SGTB: variants seen among roughly 807,000 people sequenced by gnomAD.
SGTB encodes small glutamine-rich tetratricopeptide repeat-containing protein beta.
SGTB carries 19 observed loss-of-function variants against 43.9 expected under a neutral mutation model. The observed-to-expected ratio is 0.43, with a 90% CI of 0.30 to 0.63. The LOEUF (loss-of-function observed/expected upper bound fraction) is 0.63. Among genes scored for constraint, SGTB ranks in the 30% least tolerant of loss-of-function variants. The probability of loss-of-function intolerance (pLI) is 0.12; values close to 1 mark genes in which losing one functional copy is unlikely to be tolerated. For synonymous variants in SGTB, 116 were observed against 117.3 expected (o/e 0.99, Z 0.07); for missense variants, 304 against 358.9 (o/e 0.85, Z 1.24).
At chr5:65,691,990 G>T (rs1220260860) in intron 5 of SGTB, among the ~76,000 whole-genome samples, 1 of 151,544 alleles carries the variant, frequency 6.6e-6, no homozygotes, top group Non-Finnish European at 1.5e-5. Flanking sequence ...GTTTAAAGGG[G>T]CTCTCATTAG....
At chr5:65,690,113 T>C (rs1168388078) in intron 5 of SGTB, among the ~76,000 whole-genome samples, 1 of 113,810 alleles carries the variant, frequency 8.8e-6, no homozygotes, top group South Asian at 2.8e-4. Flanking sequence ...GGGGGGGATG[T>C]GGGGGAGAGA....
chr5:65,698,626 A>C (rs189011091), intron 5 of SGTB, among the ~76,000 whole-genome samples: 2 of 152,232 alleles, frequency 1.3e-5, no homozygotes, highest in Non-Finnish European at 2.9e-5. Flanking sequence ...AAATATTTGC[A>C]AACTGTGCAT....
intron 5 of SGTB, among the ~76,000 whole-genome samples, chr5:65,688,186 T>C (rs1235835665): frequency 1.3e-5 from 2 of 152,148 alleles, no homozygotes. Flanking sequence ...AAAATAATTT[T>C]ATTATATATA....
Position 65,666,037 on chromosome 5 carries a change from G to C in SGTB, c.*4209C>G, listed in dbSNP as rs950296694. 3.3e-5 allele frequency: 5 copies of C among 152,528 alleles called. No individual in the cohort carries two copies. The highest frequency in any genetic ancestry group is 1.2e-4 in the African/African-American group (5 of 41,438). 9.4% of individuals were successfully genotyped at this position (152,528 alleles called of 1,614,324 possible). On this transcript the variant is annotated 3_prime_UTR_variant, in exon 11 of 11. Coordinates refer to ENST00000381007, the MANE Select transcript of SGTB (RefSeq NM_019072.3). ...AAAATTGAGTAATAATTAATGAAAT[G>C]TCTGTACAAAATAAAGTGCAAGCAG...
At chr5:65,670,484 C>T (rs887126639) in intron 10 of SGTB, 127 bp from the exon 11 acceptor site, 4 of 668,938 alleles carry the variant, frequency 6.0e-6, no homozygotes, top group African/African-American at 5.4e-5. Flanking sequence ...AGTTTCAGAG[C>T]CATGACTTTA....
chr5:65,670,390 G>C, intron 10 of SGTB, 33 bp from the exon 11 acceptor site: 1 of 1,556,406 alleles, frequency 6.4e-7, no homozygotes, highest in Non-Finnish European at 8.9e-7. Flanking sequence ...TTTGAATAGG[G>C]AATTGCCAGT....
rs919785923 is a variant in SGTB, at chr5:65,667,734, C to T, written c.*2512G>A. 6.6e-6 allele frequency: 1 copy of T among 152,134 alleles called. No individual in the cohort carries two copies. The highest frequency in any genetic ancestry group is 1.5e-5 in the Non-Finnish European group (1 of 68,032). The allele number at this position is 152,134 out of a possible 1,614,324, so 9.4% of individuals were successfully genotyped here. On this transcript the variant is annotated 3_prime_UTR_variant, in exon 11 of 11. Transcript: ENST00000381007. ...AGTCCTTGGATCTGTATCAAAACCACCTAGTGTACTGTTTAAAAATGGCCA... is the reference window on the plus strand; with the variant it reads ...AGTCCTTGGATCTGTATCAAAACCATCTAGTGTACTGTTTAAAAATGGCCA...
At chr5:65,707,535 A>G (rs567038112) in intron 4 of SGTB, among the ~76,000 whole-genome samples, 1 of 151,758 alleles carries the variant, frequency 6.6e-6, no homozygotes, top group South Asian at 2.1e-4. Flanking sequence ...GCCGGGTTCA[A>G]GCAATTCTCC....
At chr5:65,710,369 C>T (rs1047810652) in intron 3 of SGTB, among the ~76,000 whole-genome samples, 26 of 152,036 alleles carry the variant, frequency 1.7e-4, no homozygotes, top group East Asian at 9.6e-4. Flanking sequence ...AAATTATTTG[C>T]GAAAATTGCC....
intron 5 of SGTB, among the ~76,000 whole-genome samples, chr5:65,696,361 A>G (rs950805114): frequency 6.6e-6 from 1 of 152,250 alleles, no homozygotes; most frequent in African/African-American, 2.4e-5. Context: ...GCACTGAAGT[A>G]CAAAAGAAAT....
intron 2 of SGTB, among the ~76,000 whole-genome samples, chr5:65,718,767 C>G (rs1222073543): frequency 6.6e-6 from 1 of 152,042 alleles, no homozygotes. Context: ...AATTGGCACC[C>G]TTTCTGACTG....
chr5:65,710,348 C>A (rs1032726164), intron 3 of SGTB, among the ~76,000 whole-genome samples: 21 of 152,050 alleles, frequency 1.4e-4, no homozygotes, highest in Non-Finnish European at 2.6e-4. Context: ...TTCTGTCTTC[C>A]CAATCCTTCT....
intron 5 of SGTB, among the ~76,000 whole-genome samples, chr5:65,693,606 T>C (rs980726852): frequency 2.0e-5 from 3 of 152,130 alleles, no homozygotes; most frequent in African/African-American, 7.2e-5. Flanking sequence ...TGTTTCATCA[T>C]TAGAAGTCAT....
intron 5 of SGTB, among the ~76,000 whole-genome samples, chr5:65,686,939 T>C: frequency 6.6e-6 from 1 of 152,302 alleles, no homozygotes; most frequent in African/African-American, 2.4e-5. Context: ...CTATATCACA[T>C]CCAGCTTATT....
At chr5:65,693,151 T>C (rs575975762) in intron 5 of SGTB, among the ~76,000 whole-genome samples, 1 of 151,746 alleles carries the variant, frequency 6.6e-6, no homozygotes, top group East Asian at 1.9e-4. Context: ...ATCATCCCAT[T>C]GCACTCCAGG....
intron 5 of SGTB, among the ~76,000 whole-genome samples, chr5:65,701,594 T>C (rs1228820491): frequency 3.9e-5 from 6 of 152,002 alleles, no homozygotes; most frequent in African/African-American, 1.4e-4. Context: ...CTGTCTGATA[T>C]AGCAGCCATA....
intron 1 of SGTB, among the ~76,000 whole-genome samples, 162 bp downstream of exon 1, chr5:65,721,755 C>T (rs1472226014): frequency 1.3e-5 from 2 of 152,202 alleles, no homozygotes; most frequent in African/African-American, 2.4e-5. Flanking sequence ...AAATAGGCTT[C>T]TCCCCCTTCC....
upstream of SGTB, chr5:65,722,495 C>A: frequency 8.0e-7 from 1 of 1,252,284 alleles, no homozygotes; most frequent in Non-Finnish European, 1.1e-6. Flanking sequence ...CCGGACCCAC[C>A]CCTTCCCGAC....
rs182194837 is a variant in SGTB at position 65,714,206 on chromosome 5, A to C, written c.101-1142T>G. On this transcript the variant is annotated intron_variant, in intron 2 of 10. Coordinates refer to ENST00000381007, the MANE Select transcript of SGTB (RefSeq NM_019072.3). The stretch of plus-strand genomic sequence containing the variant: ...CACATAGGAAGAAGCACTAAATATT[A>C]ATCTTGGTGTACTTATGTGAAGATA... 4.0e-3 allele frequency among the ~76,000 whole-genome samples: 606 copies of C among 152,334 alleles called. 14 individuals are homozygous for C. The highest frequency in any genetic ancestry group is 0.036 in the Admixed American group (548 of 15,304).
Sources: allele counts gnomAD v4.1 joint callset (sites outside exome capture counted in the v4.1 genomes callset), GRCh38; gene constraint gnomAD v4.1.1; transcripts MANE v1.5; gene names NCBI Gene and HGNC (gene_info 2026-07-23, HGNC 2026-07-21).